Variants in PAPPA observed in about 807,000 individuals in gnomAD.
The protein encoded by PAPPA is pappalysin 1.
PAPPA carries 60 observed loss-of-function variants against 164.0 expected under a neutral mutation model. That is an observed-to-expected ratio of 0.37 (90% CI 0.30 to 0.45). PAPPA has a LOEUF of 0.45. PAPPA is among the 20% of genes least tolerant of loss of function. The probability of loss-of-function intolerance (pLI) is 1.00; values close to 1 mark genes in which losing one functional copy is unlikely to be tolerated. For missense variants in PAPPA, 1,782 were observed against 2,087.3 expected (o/e 0.85, Z 2.85); for synonymous variants, 875 against 814.1 (o/e 1.07, Z -1.27).
chr9:116,249,268 G>A (rs1024314795), intron 7 of PAPPA, among the ~76,000 whole-genome samples: 12 of 152,322 alleles, frequency 7.9e-5, no homozygotes, highest in Non-Finnish European at 1.5e-4. Context: ...AGAATCTCCT[G>A]AAAGAGGCAG....
intron 2 of PAPPA, among the ~76,000 whole-genome samples, chr9:116,200,363 A>C (rs1282432415): frequency 6.6e-6 from 1 of 152,182 alleles, no homozygotes; most frequent in African/African-American, 2.4e-5. Context: ...AACACATATA[A>C]TAACAGGAAG....
At chr9:116,213,494 C>T (rs1844334023) in intron 4 of PAPPA, among the ~76,000 whole-genome samples, 1 of 152,152 alleles carries the variant, frequency 6.6e-6, no homozygotes, top group African/African-American at 2.4e-5. Flanking sequence ...AGCTGACATC[C>T]CACATCCGGT....
At chr9:116,395,145 T>C (rs1846945997) in intron 21 of PAPPA, among the ~76,000 whole-genome samples, 1 of 152,166 alleles carries the variant, frequency 6.6e-6, no homozygotes, top group Non-Finnish European at 1.5e-5. Context: ...AATGAATGAG[T>C]TCATTGAGAC....
At chr9:116,333,018 G>C (rs1049658641) in intron 12 of PAPPA, among the ~76,000 whole-genome samples, 4 of 152,166 alleles carry the variant, frequency 2.6e-5, no homozygotes, top group Non-Finnish European at 4.4e-5. Context: ...GGAGGCAGTT[G>C]AGGAGTCAGG....
In PAPPA at chr9:116,165,029, G is replaced by A. The variant is rs553367653; in HGVS notation, c.415+10442G>A. Among the ~76,000 whole-genome samples, 68 of 152,272 alleles carry A rather than the reference G, an allele frequency of 4.5e-4. 4 individuals are homozygous for A. The South Asian group carries it at 0.014, about 31-fold the overall frequency. ...CAGTGACCAAGCTGGGTAAAGACGA[G>A]TACCATTGACTGATAACATCTTAAA... On this transcript the variant is annotated intron_variant, in intron 1 of 21. Coordinates refer to ENST00000328252, the MANE Select transcript of PAPPA (RefSeq NM_002581.5).
intron 7 of PAPPA, among the ~76,000 whole-genome samples, chr9:116,254,148 A>AT (rs1844893579): frequency 6.6e-6 from 1 of 152,180 alleles, no homozygotes; most frequent in South Asian, 2.1e-4. Context: ...CAGCCCCTAC[A>AT]TTTTTTAGGC....
At chr9:116,204,751 G>A (rs1163514938) in intron 2 of PAPPA, among the ~76,000 whole-genome samples, 2 of 152,174 alleles carry the variant, frequency 1.3e-5, no homozygotes, top group Non-Finnish European at 2.9e-5. Flanking sequence ...AATTTACGAT[G>A]TATACACAGG....
At chr9:116,328,476 G>A (rs1845948164) in intron 10 of PAPPA, among the ~76,000 whole-genome samples, 1 of 152,138 alleles carries the variant, frequency 6.6e-6, no homozygotes, top group South Asian at 2.1e-4. Context: ...GTCAGCAATG[G>A]GATAGGAGAT....
intron 10 of PAPPA, among the ~76,000 whole-genome samples, chr9:116,307,219 C>T (rs1042073672): frequency 1.3e-5 from 2 of 152,148 alleles, no homozygotes; most frequent in South Asian, 2.1e-4. Flanking sequence ...CATTAACCCA[C>T]GATTGGGTAT....
intron 13 of PAPPA, among the ~76,000 whole-genome samples, chr9:116,338,353 A>G (rs1012908722): frequency 1.1e-4 from 16 of 152,106 alleles, no homozygotes; most frequent in African/African-American, 3.9e-4. Flanking sequence ...TTAAAAGGCC[A>G]ACTTTGGGGG....
chr9:116,388,660 A>T (rs1372776129), intron 21 of PAPPA, among the ~76,000 whole-genome samples: 4 of 152,218 alleles, frequency 2.6e-5, no homozygotes, highest in Non-Finnish European at 5.9e-5. Flanking sequence ...ACTCAACATA[A>T]CAAGGCTTTC....
chr9:116,169,212 T>A (rs1459385925), intron 1 of PAPPA, among the ~76,000 whole-genome samples: 1 of 151,728 alleles, frequency 6.6e-6, no homozygotes. Context: ...TCTTTCCCTA[T>A]CTCTCTTCCT....
chr9:116,221,233 T>C (rs1844442395), intron 5 of PAPPA, among the ~76,000 whole-genome samples: 1 of 152,132 alleles, frequency 6.6e-6, no homozygotes, highest in African/African-American at 2.4e-5. Flanking sequence ...GGGGACCAGA[T>C]TTAAAAGGGT....
intron 8 of PAPPA, among the ~76,000 whole-genome samples, chr9:116,269,123 T>G (rs1472841010): frequency 6.6e-6 from 1 of 152,088 alleles, no homozygotes; most frequent in Non-Finnish European, 1.5e-5. Flanking sequence ...ACTTCTTGAG[T>G]CTCTACTGTG....
intron 19 of PAPPA, among the ~76,000 whole-genome samples, chr9:116,370,163 C>G (rs1309578363): frequency 2.6e-5 from 4 of 152,124 alleles, no homozygotes; most frequent in Non-Finnish European, 5.9e-5. Flanking sequence ...CTTTTATCCC[C>G]GGGGTAAGAG....
chr9:116,201,853 C>T (rs572734534), intron 2 of PAPPA, among the ~76,000 whole-genome samples: 1 of 152,272 alleles, frequency 6.6e-6, no homozygotes, highest in South Asian at 2.1e-4. Flanking sequence ...CTCTAGGTTG[C>T]TTAAAAGTGG....
chr9:116,225,306 C>T (rs1844492632), intron 5 of PAPPA, among the ~76,000 whole-genome samples: 1 of 152,212 alleles, frequency 6.6e-6, no homozygotes, highest in Non-Finnish European at 1.5e-5. Flanking sequence ...TCCACTCCTA[C>T]TTTTCTGCAT....
intron 4 of PAPPA, among the ~76,000 whole-genome samples, chr9:116,218,121 T>C (rs966020628): frequency 6.6e-6 from 1 of 152,224 alleles, no homozygotes; most frequent in African/African-American, 2.4e-5. Flanking sequence ...GGTTATTCAC[T>C]ATACTGTGTT....
chr9:116,391,368 C>G (rs535406902), intron 21 of PAPPA, among the ~76,000 whole-genome samples: 10 of 152,174 alleles, frequency 6.6e-5, no homozygotes, highest in African/African-American at 1.4e-4. Context: ...AAGTGACCTG[C>G]CAGTGATGTG....
Sources: gnomAD v4.1 joint callset for allele counts (sites outside exome capture counted in the v4.1 genomes callset) on GRCh38, gnomAD v4.1.1 for gene constraint, MANE v1.5 for transcripts, NCBI Gene and HGNC (gene_info 2026-07-23, HGNC 2026-07-21) for gene names.